Variants in NWD2 observed in about 807,000 individuals in gnomAD.
NWD2 encodes the protein NACHT and WD repeat domain-containing protein 2.
NWD2 carries 37 observed loss-of-function variants against 132.7 expected under a neutral mutation model. The observed-to-expected ratio is 0.28, with a 90% CI of 0.21 to 0.37. The LOEUF (loss-of-function observed/expected upper bound fraction) is 0.37. NWD2 is among the 10% of genes least tolerant of loss of function. The pLI is 1.00. For missense variants in NWD2, 1,592 were observed against 2,122.4 expected, an observed-to-expected ratio of 0.75 and a Z score of 4.91; for synonymous variants, 705 against 803.0, an observed-to-expected ratio of 0.88 and a Z score of 2.06.
intron 2 of NWD2, among the ~76,000 whole-genome samples, chr4:37,333,243 C>T (rs545551748): frequency 1.8e-4 from 27 of 152,220 alleles, no homozygotes; most frequent in Admixed American, 1.4e-3. Context: ...CTTGAGTGAA[C>T]GTAGGCAGTA....
At chr4:37,430,396 A>T (rs1395459552) in intron 3 of NWD2, among the ~76,000 whole-genome samples, 176 bp from the exon 4 acceptor site, 1 of 152,248 alleles carries the variant, frequency 6.6e-6, no homozygotes, top group Non-Finnish European at 1.5e-5. Context: ...GTTGTAATAT[A>T]GTTGATCTAA....
At chr4:37,300,962 C>T (rs1718601170) in intron 1 of NWD2, among the ~76,000 whole-genome samples, 1 of 152,110 alleles carries the variant, frequency 6.6e-6, no homozygotes, top group African/African-American at 2.4e-5. Context: ...TGTTTGCACA[C>T]TACCAGTTTT....
At chr4:37,388,462 G>A (rs1415193193) in intron 3 of NWD2, among the ~76,000 whole-genome samples, 1 of 152,186 alleles carries the variant, frequency 6.6e-6, no homozygotes, top group East Asian at 1.9e-4. Flanking sequence ...GGGATTACAG[G>A]CGTGAGCCAC....
intron 2 of NWD2, among the ~76,000 whole-genome samples, chr4:37,329,330 G>C (rs1190824852): frequency 1.3e-5 from 2 of 151,778 alleles, no homozygotes; most frequent in African/African-American, 4.8e-5. Flanking sequence ...TAGATTCCAG[G>C]GATAATAAAT....
At chr4:37,418,867 C>T (rs1343146996) in intron 3 of NWD2, among the ~76,000 whole-genome samples, 3 of 152,088 alleles carry the variant, frequency 2.0e-5, no homozygotes, top group Non-Finnish European at 4.4e-5. Context: ...GATCACCATT[C>T]TAACTGGTGT....
intron 2 of NWD2, among the ~76,000 whole-genome samples, chr4:37,347,335 T>TA (rs1719656751): frequency 6.6e-6 from 1 of 152,294 alleles, no homozygotes; most frequent in East Asian, 1.9e-4. Flanking sequence ...TTGTTTATAG[T>TA]ATTGTCAAGT....
In NWD2 at chr4:37,425,630, T is replaced by C. The variant is rs1056801898; in HGVS notation, c.358-4942T>C. Among the ~76,000 whole-genome samples, 28 of 152,290 alleles carry C rather than the reference T, an allele frequency of 1.8e-4. 2 individuals are homozygous for C. The highest frequency in any genetic ancestry group is 1.8e-3 in the Admixed American group (28 of 15,294). On this transcript the variant is annotated intron_variant, in intron 3 of 6. Coordinates refer to ENST00000309447, the MANE Select transcript of NWD2 (RefSeq NM_001144990.2). ...GGGTCATAGGCAGATGGATCAACAGTGTAACTCATAAAAGTGGACTTCAAT... is the reference window on the plus strand; with the variant it reads ...GGGTCATAGGCAGATGGATCAACAGCGTAACTCATAAAAGTGGACTTCAAT...
rs143169703 is a variant in NWD2 at position 37,324,048 on chromosome 4, G to A, written c.152-1888G>A. 1.1e-3 allele frequency among the ~76,000 whole-genome samples: 173 copies of A among 152,204 alleles called. 2 individuals carry two copies. The highest frequency in any genetic ancestry group is 4.0e-3 in the African/African-American group (168 of 41,522). On this transcript the variant is annotated intron_variant, in intron 1 of 6. Transcript: ENST00000309447. ...ACACTGTGGACAGCTAGTGGCGAGAGGAAGGGAGAGGGATGTGAGTTTAAA... is the reference window on the plus strand; with the variant it reads ...ACACTGTGGACAGCTAGTGGCGAGAAGAAGGGAGAGGGATGTGAGTTTAAA...
chr4:37,287,612 G>C (rs1431310514), intron 1 of NWD2, among the ~76,000 whole-genome samples: 1 of 152,198 alleles, frequency 6.6e-6, no homozygotes, highest in South Asian at 2.1e-4. Flanking sequence ...AACAACTCTA[G>C]CCAGAGACTC....
In NWD2 at chr4:37,400,525, T is replaced by C. The variant is rs543782922; in HGVS notation, c.358-30047T>C. ...TTCAATAGAAAAATGTACCTGATTC[T>C]TGCCCATGTTCAGAAAGCCAGCTAA... On this transcript the variant is annotated intron_variant, in intron 3 of 6. Coordinates refer to ENST00000309447, the MANE Select transcript of NWD2 (RefSeq NM_001144990.2). 2.1e-3 allele frequency among the ~76,000 whole-genome samples: 321 copies of C among 152,342 alleles called. 1 individual carries two copies. Among genetic ancestry groups the C allele is most frequent in the African/African-American group, 6.4e-3 (265 of 41,586 alleles).
intron 3 of NWD2, among the ~76,000 whole-genome samples, chr4:37,358,909 CA>C (rs1719922493): frequency 6.6e-6 from 1 of 152,114 alleles, no homozygotes; most frequent in South Asian, 2.1e-4. Context: ...AGAAGAGACT[CA>C]AATATTGGAA....
At chr4:37,389,126 A>G (rs765926826) in intron 3 of NWD2, among the ~76,000 whole-genome samples, 3 of 152,196 alleles carry the variant, frequency 2.0e-5, no homozygotes, top group Non-Finnish European at 2.9e-5. Context: ...AATGAAGCAA[A>G]GGAGTTAGCA....
intron 1 of NWD2, among the ~76,000 whole-genome samples, chr4:37,276,132 C>CA (rs911411700): frequency 2.2e-4 from 33 of 151,554 alleles, no homozygotes; most frequent in Admixed American, 1.1e-3. Context: ...TTCTGCATAG[C>CA]AAAAAAAACT....
At chr4:37,304,368 G>C (rs976695392) in intron 1 of NWD2, among the ~76,000 whole-genome samples, 1 of 150,318 alleles carries the variant, frequency 6.7e-6, no homozygotes, top group African/African-American at 2.5e-5. Context: ...ATTCTACCCC[G>C]GTCCTTCCCA....
chr4:37,246,969 T>C (rs1427852540), intron 1 of NWD2, among the ~76,000 whole-genome samples: 1 of 152,218 alleles, frequency 6.6e-6, no homozygotes, highest in Non-Finnish European at 1.5e-5. Context: ...TTTAAGCCTG[T>C]CCATATGATT....
chr4:37,447,039 T>C lies in NWD2; in HGVS notation c.5051T>C (p.Ile1684Thr). The C allele has an allele frequency of 6.4e-7, 1 of 1,551,700 alleles. No homozygotes were observed. Among genetic ancestry groups the C allele is most frequent in the Non-Finnish European group, 8.7e-7 (1 of 1,146,996 alleles). The stretch of plus-strand genomic sequence containing the variant: ...AAGTGTAACAGTTATTGTTTTAAAA[T>C]ATCTGTGGATTGCTTATGGAGAGAG... ...RPKCNSYCFK[I>T]SVDCLWREST... Residue 1684 changes from isoleucine to threonine, a missense_variant, in exon 7 of 7, where the codon ATA (isoleucine) becomes ACA (threonine). Transcript: ENST00000309447.
At chr4:37,312,176 G>A (rs199869561) in intron 1 of NWD2, among the ~76,000 whole-genome samples, 9,233 of 149,240 alleles carry the variant, frequency 0.062, 929 homozygotes, top group African/African-American at 0.21. Context: ...AAAGTCATTG[G>A]TAGCTTGATG....
Position 37,439,937 on chromosome 4 carries a change from G to GT in NWD2, c.1296+548dup, listed in dbSNP as rs1362183134. 2.1e-4 allele frequency among the ~76,000 whole-genome samples: 32 copies of GT among 152,240 alleles called. No homozygotes were observed. The highest frequency in any genetic ancestry group is 7.5e-4 in the African/African-American group (31 of 41,534). ...CAATGACATTTATGATTCCTATAAA[G>GT]TCACAGTTTAGGGGATATGGGAAAG... On this transcript the variant is annotated intron_variant, in intron 6 of 6. Transcript: ENST00000309447. The surrounding 1 kb of genome is among the most constrained non-coding windows in gnomAD (Gnocchi z 4.5).
At chr4:37,302,984 T>C (rs1041684016) in intron 1 of NWD2, among the ~76,000 whole-genome samples, 6 of 152,230 alleles carry the variant, frequency 3.9e-5, no homozygotes, top group African/African-American at 1.4e-4. Context: ...TCATTTTTGC[T>C]TTGTTACCTG....
Sources: gnomAD v4.1 joint callset for allele counts (sites outside exome capture counted in the v4.1 genomes callset) on GRCh38, gnomAD v4.1.1 for gene constraint, Gnocchi (gnomAD v3.1) non-coding constraint, MANE v1.5 for transcripts, NCBI Gene and HGNC (gene_info 2026-07-23, HGNC 2026-07-21) for gene names.